Variants in AKAP19 observed in about 807,000 individuals in gnomAD.
The protein encoded by AKAP19 is small A-kinase anchoring protein.
the AKAP19 span, among the ~76,000 whole-genome samples, chr2:190,163,182 C>T: frequency 2.0e-5 from 3 of 152,062 alleles, no homozygotes; most frequent in Non-Finnish European, 4.4e-5. Context: ...CGCCTGTAAT[C>T]CTAGCACTTT....
chr2:190,035,461 A>C, the AKAP19 span, among the ~76,000 whole-genome samples: 63 of 152,116 alleles, frequency 4.1e-4, no homozygotes, highest in East Asian at 9.1e-3. Flanking sequence ...TTCGAGATAC[A>C]GACTACTTTC....
At chr2:189,956,883 A>G in the AKAP19 span, among the ~76,000 whole-genome samples, 2 of 152,238 alleles carry the variant, frequency 1.3e-5, no homozygotes, top group Non-Finnish European at 2.9e-5. Context: ...TCACCTGGCC[A>G]GTGTTAATAT....
the AKAP19 span, among the ~76,000 whole-genome samples, chr2:190,091,609 C>T: frequency 0.76 from 115,056 of 151,628 alleles, 43,985 homozygotes; most frequent in South Asian, 0.86. Flanking sequence ...GCCATGTAAT[C>T]TACTTTATTG....
At chr2:190,117,617 C>G in the AKAP19 span, among the ~76,000 whole-genome samples, 5 of 152,250 alleles carry the variant, frequency 3.3e-5, no homozygotes, top group African/African-American at 1.2e-4. Context: ...CCATCACCCA[C>G]TGCTTAGAAG....
chr2:190,095,081 G>T, the AKAP19 span, among the ~76,000 whole-genome samples: 1 of 152,046 alleles, frequency 6.6e-6, no homozygotes, highest in African/African-American at 2.4e-5. Context: ...AAATTAGCCG[G>T]GTGTAGTGGC....
chr2:190,188,907 A>C, the AKAP19 span, among the ~76,000 whole-genome samples: 1 of 152,190 alleles, frequency 6.6e-6, no homozygotes, highest in Non-Finnish European at 1.5e-5. Flanking sequence ...GCAGTTTACT[A>C]ATCCATTCAA....
chr2:189,903,214 A>T, the AKAP19 span, among the ~76,000 whole-genome samples: 1 of 152,064 alleles, frequency 6.6e-6, no homozygotes, highest in East Asian at 1.9e-4. Flanking sequence ...TAAATGCTGA[A>T]TATGTTATTA....
chr2:190,087,350 C>T, the AKAP19 span, among the ~76,000 whole-genome samples: 3 of 152,154 alleles, frequency 2.0e-5, no homozygotes, highest in Admixed American at 6.6e-5. Context: ...TAAGCCCACA[C>T]GTGATCAACA....
At chr2:190,189,923 A>C in the AKAP19 span, 2 of 152,256 alleles carry the variant, frequency 1.3e-5, no homozygotes, top group Non-Finnish European at 2.9e-5. Flanking sequence ...CAATGTAGAA[A>C]GGAAGCAGCA....
the AKAP19 span, among the ~76,000 whole-genome samples, chr2:189,967,825 TA>T: frequency 8.3e-5 from 12 of 145,174 alleles, no homozygotes; most frequent in African/African-American, 2.8e-4. Flanking sequence ...ACCCCATCTC[TA>T]AAAAAAATAA....
the AKAP19 span, among the ~76,000 whole-genome samples, chr2:189,950,034 T>TTTTG: frequency 4.2e-5 from 6 of 142,560 alleles, 1 homozygote; most frequent in African/African-American, 1.6e-4. Context: ...TTGGGTTTTT[T>TTTTG]TTTTTTTTTT....
the AKAP19 span, among the ~76,000 whole-genome samples, chr2:190,120,824 C>T: frequency 6.6e-6 from 1 of 152,320 alleles, no homozygotes; most frequent in South Asian, 2.1e-4. Context: ...TAAAGTCCCA[C>T]ACTTCCATGC....
At chr2:189,972,609 C>A in the AKAP19 span, among the ~76,000 whole-genome samples, 9 of 152,128 alleles carry the variant, frequency 5.9e-5, no homozygotes, top group Admixed American at 5.9e-4. Flanking sequence ...TCTTCCTATC[C>A]ATGAGCATGG....
the AKAP19 span, among the ~76,000 whole-genome samples, chr2:190,083,751 A>C: frequency 6.6e-6 from 1 of 152,314 alleles, no homozygotes; most frequent in African/African-American, 2.4e-5. Flanking sequence ...AAGCTTCAAG[A>C]GGTGATGAGC....
the AKAP19 span, among the ~76,000 whole-genome samples, chr2:190,095,332 T>G: frequency 1.3e-5 from 2 of 152,112 alleles, no homozygotes; most frequent in African/African-American, 4.8e-5. Flanking sequence ...ATGGAGTGAA[T>G]GTTTATGTCC....
the AKAP19 span, chr2:190,062,688 G>A: frequency 4.8e-6 from 6 of 1,243,188 alleles, no homozygotes; most frequent in Admixed American, 6.2e-5. Context: ...AAATTTTAAT[G>A]CATGTACAGT....
the AKAP19 span, among the ~76,000 whole-genome samples, chr2:190,035,843 A>T: frequency 6.6e-6 from 1 of 152,198 alleles, no homozygotes; most frequent in African/African-American, 2.4e-5. Flanking sequence ...ATTTCCTATG[A>T]TGGTCTGTTA....
the AKAP19 span, among the ~76,000 whole-genome samples, chr2:190,163,179 A>G: frequency 6.6e-6 from 1 of 152,158 alleles, no homozygotes; most frequent in Non-Finnish European, 1.5e-5. Flanking sequence ...TCACGCCTGT[A>G]ATCCTAGCAC....
At chr2:190,178,657 C>T in the AKAP19 span, among the ~76,000 whole-genome samples, 7 of 152,346 alleles carry the variant, frequency 4.6e-5, no homozygotes, top group South Asian at 2.1e-4. This position sits in a 1 kb window ranked among gnomAD's most constrained non-coding sequence, Gnocchi z 6.3. Context: ...CAGCTTGGCT[C>T]GGTGTGTAGG....
Sources: gnomAD v4.1 joint callset for allele counts (sites outside exome capture counted in the v4.1 genomes callset) on GRCh38, gnomAD v4.1.1 for gene constraint, Gnocchi (gnomAD v3.1) non-coding constraint, MANE v1.5 for transcripts, NCBI Gene and HGNC (gene_info 2026-07-23, HGNC 2026-07-21) for gene names.